The following TNNT1 variants were observed in gnomAD, a reference collection of about 807,000 sequenced individuals.
TNNT1 encodes the protein troponin T, slow skeletal muscle.
A neutral mutation model predicts 50.6 loss-of-function variants in TNNT1; 53 were observed. That is an observed-to-expected ratio of 1.05 (90% CI 0.84 to 1.32). TNNT1 has a LOEUF of 1.32. TNNT1 is among the 40% of genes most tolerant of loss of function. The pLI is 0.00. For synonymous variants in TNNT1, 142 were observed against 138.0 expected, an observed-to-expected ratio of 1.03 and a Z score of -0.20; for missense variants, 348 against 381.7, an observed-to-expected ratio of 0.91 and a Z score of 0.74.
intron 5 of TNNT1, 55 bp from the exon 6 acceptor site, chr19:55,145,620 G>C: frequency 3.8e-6 from 6 of 1,591,552 alleles, no homozygotes; most frequent in Non-Finnish European, 4.3e-6. Flanking sequence ...GAGGAGAGGG[G>C]CTAGGCCTGA....
intron 6 of TNNT1, among the ~76,000 whole-genome samples, chr19:55,144,369 C>T (rs1301032155): frequency 6.6e-6 from 1 of 151,944 alleles, no homozygotes; most frequent in Non-Finnish European, 1.5e-5. Flanking sequence ...TGCGCCCGGC[C>T]CCATTCCCTT....
rs776189459 is a variant in TNNT1, at chr19:55,147,162, G to C, written c.-5C>G. The C allele has an allele frequency of 2.5e-6, 4 of 1,613,486 alleles. No individual in the cohort carries two copies. Among genetic ancestry groups the C allele is most frequent in the Non-Finnish European group, 3.4e-6 (4 of 1,179,752 alleles). On this transcript the variant is annotated 5_prime_UTR_variant, in exon 2 of 14. Coordinates refer to ENST00000588981, the MANE Select transcript of TNNT1 (RefSeq NM_003283.6). Reference sequence around the variant, plus strand: ...CTGCTCCTCGGTGTCCGACATCCTGGTGCGGCCTAAGGACCAGAGAGAAGA... The same window carrying C: ...CTGCTCCTCGGTGTCCGACATCCTGCTGCGGCCTAAGGACCAGAGAGAAGA...
intron 1 of TNNT1, among the ~76,000 whole-genome samples, chr19:55,148,534 G>C (rs1318279082): frequency 6.6e-6 from 1 of 151,668 alleles, no homozygotes; most frequent in Admixed American, 6.6e-5. Flanking sequence ...TCACAGCTCT[G>C]GATTCTGAAA....
At chr19:55,143,697 G>C (rs562470089) in intron 6 of TNNT1, among the ~76,000 whole-genome samples, 63 of 151,968 alleles carry the variant, frequency 4.1e-4, no homozygotes, top group African/African-American at 1.4e-3. Context: ...CTCCTGCCCC[G>C]ACAGCCCCGT....
At chr19:55,140,290 T>C (rs2085426483) in intron 9 of TNNT1, among the ~76,000 whole-genome samples, 1 of 151,596 alleles carries the variant, frequency 6.6e-6, no homozygotes. Context: ...CAAAATGCTG[T>C]CTCTACAAAA....
intron 11 of TNNT1, chr19:55,135,525 C>CTTTT (rs35798514): frequency 2.3e-4 from 39 of 171,832 alleles, no homozygotes; most frequent in South Asian, 7.5e-4. Flanking sequence ...TCACCTCAGC[C>CTTTT]TTTTTTTTTT....
At chr19:55,145,397 G>A (rs2085530212) in intron 6 of TNNT1, 147 bp downstream of exon 6, 1 of 722,620 alleles carries the variant, frequency 1.4e-6, no homozygotes, top group Non-Finnish European at 2.5e-6. Context: ...GAGGGAAAGG[G>A]GGAGGGAGGA....
At chr19:55,146,788 C>T in intron 3 of TNNT1, 81 bp from the exon 4 acceptor site, 1 of 1,223,542 alleles carries the variant, frequency 8.2e-7, no homozygotes. Context: ...GGGTTCCAGT[C>T]TCTGCTGGAC....
At chr19:55,136,526 A>T (rs1354621131) in intron 11 of TNNT1, among the ~76,000 whole-genome samples, 1 of 152,212 alleles carries the variant, frequency 6.6e-6, no homozygotes, top group Non-Finnish European at 1.5e-5. Context: ...TAGCCGGCAA[A>T]GCTGGCACTG....
chr19:55,138,190 G>A (rs2085388307), intron 9 of TNNT1, 116 bp from the exon 10 acceptor site: 4 of 1,571,148 alleles, frequency 2.5e-6, no homozygotes, highest in Non-Finnish European at 3.5e-6. Context: ...AGAGGCTGCT[G>A]GGACATCAGA....
intron 13 of TNNT1, 167 bp downstream of exon 13, chr19:55,133,720 G>A (rs764701519): frequency 4.0e-6 from 3 of 740,796 alleles, no homozygotes; most frequent in Admixed American, 4.9e-5. Flanking sequence ...AAGGAACTGA[G>A]ACCCAGGATT....
intron 5 of TNNT1, among the ~76,000 whole-genome samples, chr19:55,146,093 A>G (rs2085545616): frequency 6.6e-6 from 1 of 151,624 alleles, no homozygotes; most frequent in South Asian, 2.1e-4. Flanking sequence ...TATGGGGGAG[A>G]AAATAACAGA....
At chr19:55,142,120 T>G (rs2085468835) in intron 6 of TNNT1, 200 bp from the exon 7 acceptor site, 4 of 575,926 alleles carry the variant, frequency 6.9e-6, no homozygotes. Flanking sequence ...TTGGTTGTTG[T>G]TGGTTTTGTT....
At chr19:55,135,761 T>TGAG (rs1426416733) in intron 11 of TNNT1, among the ~76,000 whole-genome samples, 1 of 152,110 alleles carries the variant, frequency 6.6e-6, no homozygotes, top group Non-Finnish European at 1.5e-5. Flanking sequence ...CCTCAGGTGA[T>TGAG]CTGCCCGCCT....
At chr19:55,134,035 C>T (rs559902294) in intron 12 of TNNT1, 31 bp downstream of exon 12, 4 of 1,610,978 alleles carry the variant, frequency 2.5e-6, no homozygotes, top group East Asian at 2.2e-5. Flanking sequence ...CCTGCCCTCT[C>T]TCCCTCCCTC....
At chr19:55,144,895 G>A (rs1010657879) in intron 6 of TNNT1, among the ~76,000 whole-genome samples, 7 of 152,172 alleles carry the variant, frequency 4.6e-5, no homozygotes, top group African/African-American at 1.4e-4. Flanking sequence ...AGTCTCTCTC[G>A]AGTCATGGAG....
rs763159794 is a variant in TNNT1 at position 55,133,903 on chromosome 19, T to A, written c.775A>T (p.Ser259Cys). ...YEINVLYNRI[S>C]HAQKFRKGAG... is the part of the protein sequence containing the mutation. Reference sequence around the variant, plus strand: ...CACACTCACAACTTCTGGGCGTGGCTGATGCGGTTGTACAGCACGTTGATC... The same window carrying A: ...CACACTCACAACTTCTGGGCGTGGCAGATGCGGTTGTACAGCACGTTGATC... The change falls in exon 13 of 14, where the codon AGC becomes TGC. Residue 259 changes from serine to cysteine, a missense_variant. Around this residue, in one of 3 missense-constraint regions of TNNT1, gnomAD observed 253 missense variants for 291.8 expected, o/e 0.87. Coordinates refer to ENST00000588981, the MANE Select transcript of TNNT1 (RefSeq NM_003283.6). 1 of 1,613,810 alleles carries A rather than the reference T, an allele frequency of 6.2e-7. No homozygotes were observed. Among genetic ancestry groups the A allele is most frequent in the Non-Finnish European group, 8.5e-7 (1 of 1,180,018 alleles).
At chr19:55,134,242 G>C in intron 11 of TNNT1, 38 bp from the exon 12 acceptor site, 1 of 1,548,100 alleles carries the variant, frequency 6.5e-7, no homozygotes, top group Non-Finnish European at 8.7e-7. Context: ...GGCCCAGAGA[G>C]GTTGTGGGAA....
At chr19:55,144,466 A>G (rs561689746) in intron 6 of TNNT1, among the ~76,000 whole-genome samples, 6 of 152,238 alleles carry the variant, frequency 3.9e-5, no homozygotes, top group African/African-American at 1.4e-4. Flanking sequence ...TGCAGCCTCC[A>G]AATCCTGGGT....
Sources: allele counts gnomAD v4.1 joint callset (sites outside exome capture counted in the v4.1 genomes callset), GRCh38; gene constraint gnomAD v4.1.1; regional missense constraint gnomAD v4.1.1; transcripts MANE v1.5; gene names NCBI Gene and HGNC (gene_info 2026-07-23, HGNC 2026-07-21).